The following RAD51B variants were observed in gnomAD, a reference collection of about 807,000 sequenced individuals.
RAD51B encodes the protein DNA repair protein RAD51 homolog 2.
RAD51B carries 38 observed loss-of-function variants against 42.2 expected under a neutral mutation model. The observed-to-expected ratio is 0.90, with a 90% confidence interval of 0.70 to 1.18. RAD51B has a LOEUF of 1.18. Ranked by LOEUF, RAD51B falls within the 50% of genes most tolerant of loss-of-function variation. The probability of loss-of-function intolerance (pLI) is 0.00; values close to 1 mark genes in which losing one functional copy is unlikely to be tolerated. For missense variants in RAD51B, 373 were observed against 400.7 expected, an observed-to-expected ratio of 0.93 and a Z score of 0.59; for synonymous variants, 154 against 145.2, an observed-to-expected ratio of 1.06 and a Z score of -0.43.
At chr14:68,083,595 A>C (rs1410195001) in intron 7 of RAD51B, among the ~76,000 whole-genome samples, 6 of 152,214 alleles carry the variant, frequency 3.9e-5, no homozygotes, top group Non-Finnish European at 5.9e-5. Context: ...TCTAGGAAAG[A>C]AAATTAGTAG....
rs1893214874 is a variant in RAD51B, at chr14:68,673,541, TACATATGTACAC to T, written c.*11+22695_*11+22706del. ...ATATGTACGCGCACACACATACACA[TACATATGTACAC>T]ACATATGTATGCACACACATACACA... On this transcript the variant is annotated intron_variant, in intron 11 of 11. Coordinates refer to the RAD51B transcript ENST00000488612. Among the ~76,000 whole-genome samples the T allele has an allele frequency of 1.4e-5, 2 of 147,808 alleles. 1 individual carries two copies. The highest frequency in any genetic ancestry group is 4.0e-4 in the East Asian group (2 of 5,050).
At chr14:67,848,585 G>A (rs1245066317) in intron 4 of RAD51B, among the ~76,000 whole-genome samples, 1 of 151,982 alleles carries the variant, frequency 6.6e-6, no homozygotes, top group African/African-American at 2.4e-5. Context: ...ACTTAACATT[G>A]AAGTTTAGTA....
At chr14:68,501,194 T>C (rs1408159690) in intron 10 of RAD51B, among the ~76,000 whole-genome samples, 1 of 152,134 alleles carries the variant, frequency 6.6e-6, no homozygotes, top group African/African-American at 2.4e-5. Flanking sequence ...CAGTGCAAGA[T>C]AAAGTCAGGC....
At chr14:68,096,997 G>A (rs1023924941) in intron 7 of RAD51B, among the ~76,000 whole-genome samples, 1 of 152,148 alleles carries the variant, frequency 6.6e-6, no homozygotes, top group Non-Finnish European at 1.5e-5. Context: ...TTCCTGACTT[G>A]ATAGTTAAAT....
chr14:67,845,784 G>T (rs1229317567), intron 4 of RAD51B, among the ~76,000 whole-genome samples: 2 of 152,146 alleles, frequency 1.3e-5, no homozygotes, highest in African/African-American at 4.8e-5. Flanking sequence ...CTGCTGAAAG[G>T]TTCACTGTTC....
intron 11 of RAD51B, among the ~76,000 whole-genome samples, chr14:68,672,629 C>A (rs1893181928): frequency 6.6e-6 from 1 of 152,108 alleles, no homozygotes; most frequent in Non-Finnish European, 1.5e-5. Flanking sequence ...AGTTATATAG[C>A]CCAGAATAAA....
intron 9 of RAD51B, among the ~76,000 whole-genome samples, chr14:68,447,032 C>G (rs902561737): frequency 2.6e-5 from 4 of 152,118 alleles, no homozygotes; most frequent in African/African-American, 9.7e-5. Flanking sequence ...GCCTGACCAA[C>G]GTGGTCTACT....
At chr14:68,575,455 G>T (rs1239159690) in intron 10 of RAD51B, among the ~76,000 whole-genome samples, 1 of 152,212 alleles carries the variant, frequency 6.6e-6, no homozygotes, top group Non-Finnish European at 1.5e-5. Flanking sequence ...TTGGGGTCTG[G>T]CTGATTTGGA....
chr14:68,579,768 T>C (rs1346940539), intron 10 of RAD51B, among the ~76,000 whole-genome samples: 1 of 152,204 alleles, frequency 6.6e-6, no homozygotes, highest in Non-Finnish European at 1.5e-5. Flanking sequence ...ACCCATGTTC[T>C]TTCCAAGGAG....
At chr14:68,244,482 C>T (rs1287212671) in intron 7 of RAD51B, among the ~76,000 whole-genome samples, 1 of 152,200 alleles carries the variant, frequency 6.6e-6, no homozygotes, top group Non-Finnish European at 1.5e-5. Flanking sequence ...TCAGTATTGT[C>T]TTCTATTGAT....
At chr14:67,876,568 G>A (rs1170187975) in intron 5 of RAD51B, among the ~76,000 whole-genome samples, 2 of 152,194 alleles carry the variant, frequency 1.3e-5, no homozygotes, top group Non-Finnish European at 2.9e-5. Flanking sequence ...GGCATAGATA[G>A]TCACTTGCCA....
At chr14:68,264,525 C>T (rs1044052355) in intron 7 of RAD51B, among the ~76,000 whole-genome samples, 11 of 152,172 alleles carry the variant, frequency 7.2e-5, no homozygotes, top group Non-Finnish European at 1.3e-4. Flanking sequence ...TATCTGGGAC[C>T]TCATTTATTC....
intron 10 of RAD51B, among the ~76,000 whole-genome samples, chr14:68,543,494 C>T (rs558243681): frequency 9.2e-5 from 14 of 152,132 alleles, no homozygotes; most frequent in Non-Finnish European, 1.3e-4. Flanking sequence ...AAAAATTCTT[C>T]GGTTGGGTAC....
At chr14:67,972,381 T>G (rs1212174083) in intron 7 of RAD51B, among the ~76,000 whole-genome samples, 1 of 152,048 alleles carries the variant, frequency 6.6e-6, no homozygotes, top group African/African-American at 2.4e-5. Flanking sequence ...TTTTAGAGTC[T>G]TAGGAAAGCT....
At chr14:67,932,976 A>G (rs1376260124) in intron 7 of RAD51B, among the ~76,000 whole-genome samples, 1 of 152,256 alleles carries the variant, frequency 6.6e-6, no homozygotes, top group East Asian at 1.9e-4. Context: ...CCTGTTGTAT[A>G]TGTGTAAACC....
rs116754129 is a variant in RAD51B at position 68,568,059 on chromosome 14, C to G, written c.1037-26426C>G. 3.5e-3 allele frequency among the ~76,000 whole-genome samples: 537 copies of G among 152,314 alleles called. 3 individuals carry two copies. The highest frequency in any genetic ancestry group is 0.024 in the East Asian group (123 of 5,184). ...CTGAAAAAGAAACAATTATTGTGAT[C>G]ATGGTTCAGTTCAAATCTTCAGGTG... On this transcript the variant is annotated intron_variant, in intron 10 of 10. Coordinates refer to the RAD51B transcript ENST00000487270.
chr14:68,287,034 G>T (rs2081426656), intron 7 of RAD51B, among the ~76,000 whole-genome samples: 3 of 143,726 alleles, frequency 2.1e-5, no homozygotes, highest in African/African-American at 2.6e-5. Context: ...CTGGCCAGGA[G>T]CCTCTGCCTT....
downstream of RAD51B, among the ~76,000 whole-genome samples, chr14:68,613,254 A>C (rs1390660586): frequency 1.3e-5 from 2 of 151,956 alleles, no homozygotes; most frequent in African/African-American, 4.8e-5. Context: ...TGTCTATACT[A>C]ATAATACAAA....
At chr14:68,143,618 A>G (rs2078184127) in intron 7 of RAD51B, among the ~76,000 whole-genome samples, 1 of 152,218 alleles carries the variant, frequency 6.6e-6, no homozygotes, top group African/African-American at 2.4e-5. Context: ...CAAACCACAC[A>G]GGAAAATTGT....
Sources: allele counts gnomAD v4.1 joint callset (sites outside exome capture counted in the v4.1 genomes callset), GRCh38; gene constraint gnomAD v4.1.1; transcripts MANE v1.5; gene names NCBI Gene and HGNC (gene_info 2026-07-23, HGNC 2026-07-21).